SGCD: variants seen among roughly 807,000 people sequenced by gnomAD.
The protein encoded by SGCD is sarcoglycan delta.
Under a neutral mutation model 36.6 loss-of-function variants are expected in SGCD, and 18 were observed. The ratio of observed to expected loss-of-function variants is 0.49; its 90% CI spans 0.34 to 0.73. The LOEUF (loss-of-function observed/expected upper bound fraction) is 0.73. Among genes scored for constraint, SGCD ranks in the 30% least tolerant of loss-of-function variants. SGCD has a pLI of 0.01. For missense variants in SGCD, 387 were observed against 346.7 expected (o/e 1.12, Z -0.92); for synonymous variants, 133 against 130.6 (o/e 1.02, Z -0.12).
At chr5:156,501,564 CA>C (rs1417296657) in intron 3 of SGCD, among the ~76,000 whole-genome samples, 4 of 152,192 alleles carry the variant, frequency 2.6e-5, no homozygotes, top group South Asian at 4.1e-4. Context: ...GTCTTTGCAC[CA>C]GCCCAGAGGG....
intron 3 of SGCD, among the ~76,000 whole-genome samples, chr5:156,461,147 A>G (rs1417694194): frequency 6.6e-6 from 1 of 152,162 alleles, no homozygotes; most frequent in Non-Finnish European, 1.5e-5. Flanking sequence ...CAGACTTTTC[A>G]TTTCTTACAG....
At chr5:155,947,791 A>G (rs1368330) in intron 1 of SGCD, among the ~76,000 whole-genome samples, 29,297 of 151,972 alleles carry the variant, frequency 0.19, 3,409 homozygotes, top group Admixed American at 0.38. Flanking sequence ...GAGCTCCTGT[A>G]GTCACTCTGA....
intron 3 of SGCD, among the ~76,000 whole-genome samples, chr5:156,350,729 C>T (rs1027561994): frequency 6.6e-6 from 1 of 152,088 alleles, no homozygotes; most frequent in African/African-American, 2.4e-5. Context: ...CACAAATAGA[C>T]CTTAGTTTAT....
chr5:155,788,911 T>C, the SGCD span, among the ~76,000 whole-genome samples: 1 of 152,022 alleles, frequency 6.6e-6, no homozygotes, highest in African/African-American at 2.4e-5. Flanking sequence ...AGCAAAGACA[T>C]AAAACGGTCA....
chr5:155,901,360 T>C (rs1756386288), intron 1 of SGCD, among the ~76,000 whole-genome samples: 1 of 150,790 alleles, frequency 6.6e-6, no homozygotes, highest in Admixed American at 6.6e-5. Context: ...TGATTCTAAA[T>C]AGCCAGGAGG....
At chr5:155,975,195 C>T (rs1368333) in intron 1 of SGCD, among the ~76,000 whole-genome samples, 3,869 of 152,250 alleles carry the variant, frequency 0.025, 181 homozygotes, top group African/African-American at 0.088. Context: ...TCATCATCAC[C>T]GTTATCACAA....
intron 3 of SGCD, among the ~76,000 whole-genome samples, chr5:156,380,668 A>G (rs1380401595): frequency 3.9e-5 from 6 of 152,244 alleles, no homozygotes; most frequent in Non-Finnish European, 2.9e-5. Flanking sequence ...GCCATGTGAT[A>G]TTAAATATGT....
intron 4 of SGCD, among the ~76,000 whole-genome samples, chr5:156,587,018 T>C (rs1760523192): frequency 6.6e-6 from 1 of 152,136 alleles, no homozygotes; most frequent in African/African-American, 2.4e-5. Context: ...AAAAGAGAAA[T>C]GATTTACCCA....
chr5:156,114,045 A>T (rs778047343), intron 1 of SGCD, among the ~76,000 whole-genome samples: 3 of 152,110 alleles, frequency 2.0e-5, no homozygotes, highest in Non-Finnish European at 4.4e-5. Flanking sequence ...GGGCAGAGAA[A>T]CTACTCTGTA....
chr5:155,974,386 G>T (rs1758067700), intron 1 of SGCD, among the ~76,000 whole-genome samples: 1 of 151,984 alleles, frequency 6.6e-6, no homozygotes, highest in South Asian at 2.1e-4. Context: ...TAAGAGTGAG[G>T]TATGGGAGCA....
Position 156,635,468 on chromosome 5 carries a change from T to A in SGCD, c.503-11996T>A, listed in dbSNP as rs879042567. 7.9e-5 allele frequency among the ~76,000 whole-genome samples: 12 copies of A among 152,292 alleles called. No homozygotes were observed. The East Asian group carries it at 1.9e-3, about 25-fold the overall frequency. ...TAAACTAGTTCAACCATTGTGGAAG[T>A]CAGTGTGGTGATTCCTCAGGGATCT... On this transcript the variant is annotated intron_variant, in intron 6 of 8. Coordinates refer to ENST00000337851, the MANE Select transcript of SGCD (RefSeq NM_000337.6).
At chr5:156,404,445 A>G (rs1481454611) in intron 3 of SGCD, among the ~76,000 whole-genome samples, 1 of 152,172 alleles carries the variant, frequency 6.6e-6, no homozygotes, top group African/African-American at 2.4e-5. Flanking sequence ...ATTTTAATCG[A>G]TGTATCTTTC....
chr5:156,204,520 G>C (rs1295697199), intron 3 of SGCD, among the ~76,000 whole-genome samples: 1 of 151,666 alleles, frequency 6.6e-6, no homozygotes, highest in African/African-American at 2.4e-5. Flanking sequence ...ATGTGAACTA[G>C]AGTGATTTTT....
intron 3 of SGCD, among the ~76,000 whole-genome samples, chr5:156,493,957 A>G (rs1405878276): frequency 6.6e-6 from 1 of 152,112 alleles, no homozygotes; most frequent in Non-Finnish European, 1.5e-5. Context: ...AAGCTCTGCT[A>G]TGGGTCCTCT....
intron 3 of SGCD, among the ~76,000 whole-genome samples, chr5:156,476,029 G>T (rs1271360721): frequency 6.6e-6 from 1 of 152,158 alleles, no homozygotes; most frequent in East Asian, 1.9e-4. Context: ...GTGGCTGAGG[G>T]TAACAGTCAG....
At chr5:156,255,621 T>C in intron 3 of SGCD, among the ~76,000 whole-genome samples, 1 of 152,140 alleles carries the variant, frequency 6.6e-6, no homozygotes, top group South Asian at 2.1e-4. Flanking sequence ...CATTCAGGTT[T>C]TAAAAATTGT....
At chr5:156,376,265 G>A (rs1770664882) in intron 3 of SGCD, among the ~76,000 whole-genome samples, 1 of 152,192 alleles carries the variant, frequency 6.6e-6, no homozygotes, top group South Asian at 2.1e-4. Context: ...AACATAGAGT[G>A]AGAGAACACA....
intron 2 of SGCD, among the ~76,000 whole-genome samples, chr5:156,335,645 G>A (rs1768309455): frequency 6.6e-6 from 1 of 151,964 alleles, no homozygotes; most frequent in Non-Finnish European, 1.5e-5. Flanking sequence ...TCATTCCCCT[G>A]CACACTCCAT....
chr5:156,745,153 A>AC (rs540823881), intron 7 of SGCD, among the ~76,000 whole-genome samples: 27 of 151,000 alleles, frequency 1.8e-4, no homozygotes, highest in South Asian at 1.0e-3. Flanking sequence ...TGAAACTGGG[A>AC]CCCCCCCAGT....
Sources: gnomAD v4.1 joint callset for allele counts (sites outside exome capture counted in the v4.1 genomes callset) on GRCh38, gnomAD v4.1.1 for gene constraint, MANE v1.5 for transcripts, NCBI Gene and HGNC (gene_info 2026-07-23, HGNC 2026-07-21) for gene names.